The following ZNF365 variants were observed in gnomAD, a reference collection of about 807,000 sequenced individuals.
ZNF365 encodes the protein zinc finger protein 365.
A neutral mutation model predicts 35.0 loss-of-function variants in ZNF365; 22 were observed. The observed-to-expected ratio is 0.63, with a 90% CI of 0.45 to 0.90. The LOEUF (loss-of-function observed/expected upper bound fraction) is 0.90. Among genes scored for constraint, ZNF365 ranks in the 40% least tolerant of loss-of-function variants. The pLI, the probability that ZNF365 is intolerant of heterozygous loss-of-function variation, is 0.00. For synonymous variants in ZNF365, 188 were observed against 196.2 expected, an observed-to-expected ratio of 0.96 and a Z score of 0.35; for missense variants, 448 against 500.3, an observed-to-expected ratio of 0.90 and a Z score of 1.00.
chr10:62,376,982 C>A (rs1839348099), intron 2 of ZNF365, 46 bp downstream of exon 2: 3 of 1,558,200 alleles, frequency 1.9e-6, no homozygotes, highest in Non-Finnish European at 2.6e-6. Context: ...CTTTAAGCAG[C>A]ACCCCAATCG....
chr10:62,412,404 G>T (rs1394172531), intron 3 of ZNF365, among the ~76,000 whole-genome samples: 2 of 152,036 alleles, frequency 1.3e-5, no homozygotes. Flanking sequence ...TCTTACCATT[G>T]CTATTCAACA....
rs1238014365 is a variant in ZNF365, at chr10:62,388,275, G to T, written c.744-121G>T. On this transcript the variant is annotated intron_variant, in intron 2 of 4. Coordinates refer to ENST00000395254, the MANE Select transcript of ZNF365 (RefSeq NM_014951.3). ...AGAGGTGATTACCTCTCTCGTCATTGCCATGGAGTACTGCCTAGGGTGTTA... is the reference window on the plus strand; with the variant it reads ...AGAGGTGATTACCTCTCTCGTCATTTCCATGGAGTACTGCCTAGGGTGTTA... 3 of 1,001,672 alleles carry T rather than the reference G, an allele frequency of 3.0e-6. No homozygotes were observed. In the Admixed American group the frequency reaches 6.7e-5, roughly 22 times the overall value. The allele number at this position is 1,001,672 out of a possible 1,614,324, so 62.0% of individuals were successfully genotyped here.
In ZNF365 at chr10:62,376,692, C is replaced by T. The variant is rs762675434; in HGVS notation, c.499C>T (p.Arg167Ter). 10 of 1,613,994 alleles carry T rather than the reference C, an allele frequency of 6.2e-6. No homozygotes were observed. Among genetic ancestry groups the T allele is most frequent in the South Asian group, 5.5e-5 (5 of 91,084 alleles). The change falls in exon 2 of 5, where the codon CGA (arginine) becomes TGA (stop). Residue 167 changes from arginine (R) to a stop codon, truncating the protein, a stop_gained. Transcript: ENST00000395254. LOFTEE classifies it high-confidence loss of function. ...GGCACATGTCAGAGAAAAATTCAAT[C>T]GAATGGTTGAGGCTGTGGATAGGAC... is the stretch of plus-strand genomic sequence containing the variant. The part of the protein sequence containing the change: ...FEAHVREKFN[R>*]MVEAVDRTIE...
intron 2 of ZNF365, 53 bp downstream of exon 2, chr10:62,376,989 A>G: frequency 3.2e-6 from 5 of 1,554,840 alleles, no homozygotes; most frequent in Non-Finnish European, 4.3e-6. Context: ...CAGCACCCCA[A>G]TCGCCTTACA....
At chr10:62,461,167 C>T (rs555962686) in intron 4 of ZNF365, among the ~76,000 whole-genome samples, 5 of 152,232 alleles carry the variant, frequency 3.3e-5, no homozygotes, top group African/African-American at 7.2e-5. Flanking sequence ...GAAATATGAG[C>T]GAGCAGGCCT....
chr10:62,391,053 C>G (rs1181948448), intron 3 of ZNF365, among the ~76,000 whole-genome samples: 1 of 152,104 alleles, frequency 6.6e-6, no homozygotes, highest in Non-Finnish European at 1.5e-5. Flanking sequence ...TTAGGCTACA[C>G]TAAATTTGTT....
intron 4 of ZNF365, among the ~76,000 whole-genome samples, chr10:62,467,370 G>C (rs1265785372): frequency 6.6e-6 from 1 of 152,178 alleles, no homozygotes; most frequent in East Asian, 1.9e-4. Flanking sequence ...GTGAAGATTA[G>C]ATTATTTTAT....
chr10:62,457,270 A>G (rs1472715516), intron 3 of ZNF365, among the ~76,000 whole-genome samples: 1 of 152,228 alleles, frequency 6.6e-6, no homozygotes, highest in Admixed American at 6.5e-5. Flanking sequence ...CCGAATGGAG[A>G]CGTACTCTCC....
intron 3 of ZNF365, among the ~76,000 whole-genome samples, chr10:62,457,190 C>T (rs966356175): frequency 6.6e-6 from 1 of 152,134 alleles, no homozygotes. Flanking sequence ...AACATGTGTA[C>T]CCTATGCTGT....
In ZNF365 at chr10:62,376,173, C is replaced by G. The variant is rs750021962; in HGVS notation, c.-13-8C>G. Reference sequence around the variant, plus strand: ...CGACTTGTAAACTACCTATTTCCCCCCTCCCAGGACTTTTAGAGTAATGCA... The same window carrying G: ...CGACTTGTAAACTACCTATTTCCCCGCTCCCAGGACTTTTAGAGTAATGCA... On this transcript the variant is annotated splice_polypyrimidine_tract_variant and splice_region_variant and intron_variant, in intron 1 of 4. Transcript: ENST00000395254. 36 of 1,611,342 alleles carry G rather than the reference C, an allele frequency of 2.2e-5. No individual in the cohort carries two copies. In the Admixed American group the frequency reaches 3.7e-4, roughly 16 times the overall value.
intron 3 of ZNF365, among the ~76,000 whole-genome samples, chr10:62,392,020 CAT>C (rs1462298806): frequency 6.6e-6 from 1 of 152,104 alleles, no homozygotes; most frequent in African/African-American, 2.4e-5. Flanking sequence ...AGCATTTTTT[CAT>C]ATGTTTGTTG....
At chr10:62,451,241 G>A (rs1296095753) in intron 3 of ZNF365, among the ~76,000 whole-genome samples, 3 of 152,004 alleles carry the variant, frequency 2.0e-5, no homozygotes, top group Non-Finnish European at 4.4e-5. Context: ...CCTTTTTTCT[G>A]TGACTGCTTT....
At chr10:62,454,278 G>GT (rs1840728246) in intron 3 of ZNF365, among the ~76,000 whole-genome samples, 1 of 152,186 alleles carries the variant, frequency 6.6e-6, no homozygotes, top group Non-Finnish European at 1.5e-5. Context: ...ATATGACAAT[G>GT]TATTGTATTT....
At chr10:62,399,388 A>G (rs957488990) in intron 4 of ZNF365, 140 bp from the exon 5 acceptor site, 6 of 1,268,690 alleles carry the variant, frequency 4.7e-6, no homozygotes, top group Non-Finnish European at 6.4e-6. Context: ...TACTCATATT[A>G]TGATTTGCCT....
At chr10:62,413,769 A>G (rs1285082763) in intron 3 of ZNF365, among the ~76,000 whole-genome samples, 1 of 152,226 alleles carries the variant, frequency 6.6e-6, no homozygotes, top group Non-Finnish European at 1.5e-5. Flanking sequence ...CACGAGAAGC[A>G]GAGGTTTTTA....
intron 3 of ZNF365, among the ~76,000 whole-genome samples, chr10:62,420,583 A>T (rs951656453): frequency 6.6e-6 from 1 of 152,202 alleles, no homozygotes; most frequent in East Asian, 1.9e-4. Flanking sequence ...TAAATAGAAT[A>T]CTTAGCAAGC....
intron 3 of ZNF365, among the ~76,000 whole-genome samples, chr10:62,390,136 C>T (rs1839603489): frequency 6.6e-6 from 1 of 152,106 alleles, no homozygotes; most frequent in Admixed American, 6.5e-5. Flanking sequence ...CCGGTTTATT[C>T]TTACTCTGCT....
At chr10:62,425,480 A>G (rs1840237211) in intron 3 of ZNF365, among the ~76,000 whole-genome samples, 1 of 152,208 alleles carries the variant, frequency 6.6e-6, no homozygotes, top group Non-Finnish European at 1.5e-5. Flanking sequence ...AAGAGCAAAT[A>G]TGCATATGAA....
rs3081228 is a variant in ZNF365, at chr10:62,407,575, G to GTCTCCTCTCC, written c.924+19022_924+19031dup. Reference sequence around the variant, plus strand: ...AAAAATCAGGGAGATGGATTTGAGGGTCTCCTCTCCTCTCCTCTCCTCTCC... The same window carrying GTCTCCTCTCC: ...AAAAATCAGGGAGATGGATTTGAGGGTCTCCTCTCCTCTCCTCTCCTCTCCTCTCCTCTCC... On this transcript the variant is annotated intron_variant, in intron 3 of 4. Transcript: ENST00000395255. Among the ~76,000 whole-genome samples, 78 of 151,474 alleles carry GTCTCCTCTCC rather than the reference G, an allele frequency of 5.1e-4. 1 individual carries two copies. The South Asian group carries it at 0.01, about 20-fold the overall frequency.
Sources: allele counts gnomAD v4.1 joint callset (sites outside exome capture counted in the v4.1 genomes callset), GRCh38; gene constraint gnomAD v4.1.1; transcripts MANE v1.5; gene names NCBI Gene and HGNC (gene_info 2026-07-23, HGNC 2026-07-21).